The following UBE2E3 variants were observed in gnomAD, a reference collection of about 807,000 sequenced individuals.
UBE2E3 encodes the protein ubiquitin-conjugating enzyme E2 E3.
In UBE2E3, 5 loss-of-function variants were observed where a neutral mutation model predicts 23.6. That is an observed-to-expected ratio of 0.21 (90% CI 0.11 to 0.44). The LOEUF is 0.44. UBE2E3 is among the 20% of genes least tolerant of loss of function. The pLI is 0.99. For missense variants in UBE2E3, 81 were observed against 249.8 expected (o/e 0.32, Z 4.55); for synonymous variants, 78 against 87.5 (o/e 0.89, Z 0.60).
At chr2:181,041,254 G>A (rs796295637) in intron 3 of UBE2E3, among the ~76,000 whole-genome samples, 209 of 84,092 alleles carry the variant, frequency 2.5e-3, no homozygotes, top group Middle Eastern at 5.8e-3. Flanking sequence ...AAAAAAAAAA[G>A]ATAGATTTTT....
At chr2:181,052,895 G>T (rs1686884209) in intron 3 of UBE2E3, among the ~76,000 whole-genome samples, 1 of 151,650 alleles carries the variant, frequency 6.6e-6, no homozygotes, top group South Asian at 2.1e-4. Flanking sequence ...TTCTACCTTG[G>T]TTTTCTTTTA....
At chr2:181,059,534 C>G (rs963910504) in intron 4 of UBE2E3, among the ~76,000 whole-genome samples, 1 of 151,726 alleles carries the variant, frequency 6.6e-6, no homozygotes, top group African/African-American at 2.4e-5. Flanking sequence ...GTTAACCCAA[C>G]ATATTAAAAA....
intron 3 of UBE2E3, among the ~76,000 whole-genome samples, chr2:181,040,477 A>G (rs1686454169): frequency 6.6e-6 from 1 of 152,178 alleles, no homozygotes; most frequent in Non-Finnish European, 1.5e-5. Flanking sequence ...GCATTTTTTC[A>G]TGGTTGACAT....
At chr2:181,036,082 C>T (rs1483358455) in intron 3 of UBE2E3, among the ~76,000 whole-genome samples, 1 of 152,062 alleles carries the variant, frequency 6.6e-6, no homozygotes, top group Admixed American at 6.6e-5. Flanking sequence ...TGGCTCACAG[C>T]AGGCAACAGG....
At chr2:180,992,837 T>C (rs889107315) in intron 3 of UBE2E3, among the ~76,000 whole-genome samples, 1 of 89,628 alleles carries the variant, frequency 1.1e-5, no homozygotes, top group South Asian at 3.3e-4. Context: ...AATTTTGTAT[T>C]TTTTTTTTAG....
intron 3 of UBE2E3, among the ~76,000 whole-genome samples, chr2:181,006,612 T>C (rs186170043): frequency 1.2e-3 from 185 of 152,240 alleles, no homozygotes; most frequent in African/African-American, 4.3e-3. Context: ...TTTAACTGAG[T>C]AGTTTCTGTT....
At chr2:180,997,074 T>C (rs1181023383) in intron 3 of UBE2E3, among the ~76,000 whole-genome samples, 1 of 151,884 alleles carries the variant, frequency 6.6e-6, no homozygotes, top group East Asian at 1.9e-4. Context: ...CTTGTGTTCT[T>C]AAAAGGATTT....
At chr2:181,048,206 C>T (rs1426173589) in intron 3 of UBE2E3, among the ~76,000 whole-genome samples, 2 of 152,074 alleles carry the variant, frequency 1.3e-5, no homozygotes, top group African/African-American at 4.8e-5. Context: ...GCCTTTGTAG[C>T]GTTTTCTGTT....
intron 3 of UBE2E3, among the ~76,000 whole-genome samples, chr2:181,004,351 A>G (rs971555844): frequency 5.3e-5 from 8 of 152,146 alleles, no homozygotes; most frequent in African/African-American, 1.9e-4. Flanking sequence ...AAGAAACAAT[A>G]CAGCTGAGTG....
At chr2:180,983,660 C>G (rs899132168) in intron 2 of UBE2E3, among the ~76,000 whole-genome samples, 6 of 152,200 alleles carry the variant, frequency 3.9e-5, no homozygotes, top group African/African-American at 1.4e-4. Context: ...AAAGTCACTT[C>G]AAGTCCTTGT....
chr2:180,995,899 T>C (rs952656452), intron 3 of UBE2E3, among the ~76,000 whole-genome samples: 2 of 152,168 alleles, frequency 1.3e-5, no homozygotes, highest in African/African-American at 4.8e-5. Flanking sequence ...CAGAAACTTA[T>C]TCTCATCTCC....
At chr2:180,987,644 C>T (rs1163070277) in intron 3 of UBE2E3, among the ~76,000 whole-genome samples, 2 of 152,024 alleles carry the variant, frequency 1.3e-5, no homozygotes, top group Admixed American at 6.6e-5. Flanking sequence ...TGACTTTCTT[C>T]TTTAAAAATA....
At chr2:181,028,692 G>A (rs571445334) in intron 3 of UBE2E3, among the ~76,000 whole-genome samples, 2 of 152,074 alleles carry the variant, frequency 1.3e-5, no homozygotes, top group South Asian at 4.2e-4. Flanking sequence ...TCTCATTTCT[G>A]TGAAATGCCT....
intron 3 of UBE2E3, among the ~76,000 whole-genome samples, chr2:181,037,402 T>C (rs552472801): frequency 2.6e-5 from 4 of 152,094 alleles, no homozygotes; most frequent in Non-Finnish European, 5.9e-5. Context: ...ATGTTATTGC[T>C]CATGAGGACC....
intron 3 of UBE2E3, among the ~76,000 whole-genome samples, chr2:180,996,734 G>T (rs892267795): frequency 1.2e-4 from 18 of 152,106 alleles, no homozygotes; most frequent in Non-Finnish European, 5.9e-5. Flanking sequence ...TCATAATGCT[G>T]TAAGAAACCA....
chr2:180,997,417 C>A (rs1485270805), intron 3 of UBE2E3, among the ~76,000 whole-genome samples: 1 of 151,958 alleles, frequency 6.6e-6, no homozygotes, highest in Non-Finnish European at 1.5e-5. Context: ...CGCATGTTCT[C>A]TTCAGTTTCA....
At chr2:180,988,917 G>A (rs1340840260) in intron 3 of UBE2E3, among the ~76,000 whole-genome samples, 2 of 151,868 alleles carry the variant, frequency 1.3e-5, no homozygotes, top group Non-Finnish European at 2.9e-5. Flanking sequence ...AAAAAAAAAG[G>A]TCCTGGAACC....
intron 5 of UBE2E3, 51 bp downstream of exon 5, chr2:181,060,863 T>G (rs768588319): frequency 3.8e-4 from 8 of 21,324 alleles, no homozygotes; most frequent in East Asian, 3.1e-3. Flanking sequence ...AACGAGTGCT[T>G]TTTTTTTTTT....
chr2:180,994,519 T>C (rs1489949331), intron 3 of UBE2E3, among the ~76,000 whole-genome samples: 1 of 152,222 alleles, frequency 6.6e-6, no homozygotes, highest in African/African-American at 2.4e-5. Flanking sequence ...GACATCAGCA[T>C]GCCTAAAAAT....
Sources: gnomAD v4.1 joint callset for allele counts (sites outside exome capture counted in the v4.1 genomes callset) on GRCh38, gnomAD v4.1.1 for gene constraint, MANE v1.5 for transcripts, NCBI Gene and HGNC (gene_info 2026-07-23, HGNC 2026-07-21) for gene names.